NET1: variants seen among roughly 807,000 people sequenced by gnomAD.
The protein encoded by NET1 is neuroepithelial cell transforming 1.
Under a neutral mutation model 61.1 loss-of-function variants are expected in NET1, and 42 were observed. The observed-to-expected ratio is 0.69, with a 90% CI of 0.54 to 0.89. The LOEUF (loss-of-function observed/expected upper bound fraction) is 0.89, where lower values mean the gene tolerates loss of function less well. Ranked by LOEUF, NET1 falls within the 40% of genes least tolerant of loss-of-function variation. The pLI is 0.00. For missense variants in NET1, 654 were observed against 747.3 expected (o/e 0.88, Z 1.46); for synonymous variants, 254 against 281.8 (o/e 0.90, Z 0.99).
intron 1 of NET1, among the ~76,000 whole-genome samples, chr10:5,419,994 A>C (rs544261967): frequency 1.3e-4 from 20 of 151,988 alleles, no homozygotes; most frequent in Non-Finnish European, 2.6e-4. Flanking sequence ...GTCTGTGGAT[A>C]TCTTTGTGTT....
At position 5,456,325 on chromosome 10, in the gene NET1, T is replaced by G; in HGVS notation, c.1384+52T>G. On this transcript the variant is annotated intron_variant, in intron 11 of 11. Coordinates refer to ENST00000355029, the MANE Select transcript of NET1 (RefSeq NM_001047160.3). The surrounding 1 kb of genome is among the most constrained non-coding windows in gnomAD (Gnocchi z 7.0). ...AAGAAATAGAAGCTCAGAACTGAAG[T>G]GAATTTAGTTTTGCCTTTAAGAATT... 1 of 1,470,074 alleles carries G rather than the reference T, an allele frequency of 6.8e-7. No homozygotes were observed. The highest frequency in any genetic ancestry group is 9.1e-7 in the Non-Finnish European group (1 of 1,100,354). 91.1% of individuals were successfully genotyped at this position (1,470,074 alleles called of 1,614,324 possible). A position where few individuals can be genotyped will look rare whatever the true frequency, so the allele number is the denominator to read the frequency against.
rs761331523 is a variant in NET1 at position 5,455,204 on chromosome 10, A to T, written c.1197+86A>T. 2.3e-6 allele frequency: 3 copies of T among 1,324,454 alleles called. No individual in the cohort carries two copies. Among genetic ancestry groups the T allele is most frequent in the Non-Finnish European group, 3.2e-6 (3 of 936,388 alleles). The allele number at this position is 1,324,454 out of a possible 1,614,324, so 82.0% of individuals were successfully genotyped here. ...CGTTTGTTATGAAGCAGGCTTGTAA[A>T]GGGAAAGTCATGACATAGTAAAAGA... On this transcript the variant is annotated intron_variant, in intron 10 of 11. Transcript: ENST00000355029. This position sits in a 1 kb window ranked among gnomAD's most constrained non-coding sequence, Gnocchi z 6.5.
rs1324886018 is a variant in NET1 at position 5,435,748 on chromosome 10, A to T, written c.255+6519A>T. Among the ~76,000 whole-genome samples, 16 of 152,140 alleles carry T rather than the reference A, an allele frequency of 1.1e-4. No homozygotes were observed. Among genetic ancestry groups the T allele is most frequent in the Non-Finnish European group, 1.2e-4 (8 of 68,010 alleles). ...CAATTGAATTTTCATGTTATGGATC[A>T]TTAGCTATTTTGTCTTGAAGCTGTG... is the stretch of plus-strand genomic sequence containing the variant. On this transcript the variant is annotated intron_variant, in intron 3 of 11. Transcript: ENST00000355029. The surrounding 1 kb of genome is among the most constrained non-coding windows in gnomAD (Gnocchi z 5.0).
At position 5,416,655 on chromosome 10, in the gene NET1, T is replaced by A. The variant is rs1447906021; in HGVS notation, c.128+3835T>A. 2.0e-5 allele frequency among the ~76,000 whole-genome samples: 3 copies of A among 152,258 alleles called. No homozygotes were observed. Among genetic ancestry groups the A allele is most frequent in the Non-Finnish European group, 4.4e-5 (3 of 68,042 alleles). On this transcript the variant is annotated intron_variant, in intron 1 of 11. Transcript: ENST00000355029. This position sits in a 1 kb window ranked among gnomAD's most constrained non-coding sequence, Gnocchi z 6.1. ...AAGTATTTTGTTCTTTTTGATGCAG[T>A]TGTAAATGGATTCATTTCTTTTGAA...
chr10:5,459,014 C>T lies in NET1; in HGVS notation c.*2020C>T. 6.6e-6 allele frequency among the ~76,000 whole-genome samples: 1 copy of T among 152,080 alleles called. No individual in the cohort carries two copies. Among genetic ancestry groups the T allele is most frequent in the East Asian group, 1.9e-4 (1 of 5,192 alleles). Reference sequence around the variant, plus strand: ...TTCCCTCAAAGGTAAAAATAAGACCCAGAATCTGAGTAAATCTATTAAATG... The same window carrying T: ...TTCCCTCAAAGGTAAAAATAAGACCTAGAATCTGAGTAAATCTATTAAATG... On this transcript the variant is annotated 3_prime_UTR_variant, in exon 12 of 12. Transcript: ENST00000355029.
rs1468456511 is a variant in NET1 at position 5,420,545 on chromosome 10, C to T, written c.129-6110C>T. On this transcript the variant is annotated intron_variant, in intron 1 of 11. Coordinates refer to ENST00000355029, the MANE Select transcript of NET1 (RefSeq NM_001047160.3). This position sits in a 1 kb window ranked among gnomAD's most constrained non-coding sequence, Gnocchi z 5.3. Reference sequence around the variant, plus strand: ...ATATGACAGGCCTCTTAACGTCTTTCTCCTCACCTCCCAGTTCTGGGTAGT... The same window carrying T: ...ATATGACAGGCCTCTTAACGTCTTTTTCCTCACCTCCCAGTTCTGGGTAGT... Among the ~76,000 whole-genome samples, 1 of 152,162 alleles carries T rather than the reference C, an allele frequency of 6.6e-6. No individual in the cohort carries two copies. The highest frequency in any genetic ancestry group is 1.5e-5 in the Non-Finnish European group (1 of 68,020).
In NET1 at chr10:5,458,518, G is replaced by C. The variant is rs183249343; in HGVS notation, c.*1524G>C. On this transcript the variant is annotated 3_prime_UTR_variant, in exon 12 of 12. Transcript: ENST00000355029. This position sits in a 1 kb window ranked among gnomAD's most constrained non-coding sequence, Gnocchi z 4.5. The stretch of plus-strand genomic sequence containing the variant: ...ATGTTGGGGGCATTTGGCAAAATAT[G>C]CTGGTGTGGCAAAGGAGGTAGTGGT... 13 of 152,408 alleles carry C rather than the reference G, an allele frequency of 8.5e-5. No individual in the cohort carries two copies. The highest frequency in any genetic ancestry group is 5.2e-4 in the Admixed American group (8 of 15,270). 9.4% of individuals were successfully genotyped at this position (152,408 alleles called of 1,614,324 possible). A position where few individuals can be genotyped will look rare whatever the true frequency, so the allele number is the denominator to read the frequency against.
chr10:5,442,475 A>G (rs1336938591), intron 3 of NET1, among the ~76,000 whole-genome samples: 3 of 152,252 alleles, frequency 2.0e-5, no homozygotes, highest in Non-Finnish European at 2.9e-5. Context: ...TCTATACATA[A>G]GAGAAACATC....
Position 5,454,074 on chromosome 10 carries a change from T to C in NET1, c.769-191T>C, listed in dbSNP as rs1362255566. On this transcript the variant is annotated intron_variant, in intron 8 of 11. Coordinates refer to ENST00000355029, the MANE Select transcript of NET1 (RefSeq NM_001047160.3). The surrounding 1 kb of genome is among the most constrained non-coding windows in gnomAD (Gnocchi z 8.1). ...TCTTCACTTGGATTTAGCCAAATTA[T>C]GAAAATTTGAAGAGCATTTTGATGA... 6.6e-6 allele frequency among the ~76,000 whole-genome samples: 1 copy of C among 152,226 alleles called. No individual in the cohort carries two copies. The highest frequency in any genetic ancestry group is 2.4e-5 in the African/African-American group (1 of 41,466).
In NET1 at chr10:5,431,063, G is replaced by A. The variant is rs1832342640; in HGVS notation, c.255+1834G>A. ...ATTTTTTGTATTTTCAGTAGAGACG[G>A]GGTTTCACCGTGTTAGCCAGGATGG... On this transcript the variant is annotated intron_variant, in intron 3 of 11. Coordinates refer to ENST00000355029, the MANE Select transcript of NET1 (RefSeq NM_001047160.3). This position sits in a 1 kb window ranked among gnomAD's most constrained non-coding sequence, Gnocchi z 4.9. Among the ~76,000 whole-genome samples, 1 of 151,404 alleles carries A rather than the reference G, an allele frequency of 6.6e-6. No homozygotes were observed. The highest frequency in any genetic ancestry group is 2.4e-5 in the African/African-American group (1 of 41,182).
chr10:5,434,654 G>A (rs1012058720), intron 3 of NET1, among the ~76,000 whole-genome samples: 6 of 151,162 alleles, frequency 4.0e-5, no homozygotes, highest in Admixed American at 1.3e-4. Context: ...GAGGTTTAAG[G>A]GGAATCTTTC....
At position 5,453,581 on chromosome 10, in the gene NET1, C is replaced by G. The variant is rs1170325498; in HGVS notation, c.768+21C>G. ...GCTGGGTATGTAGTGAGTTGTTGAC[C>G]CCAGATACAGTTTCTTACAGATGTG... On this transcript the variant is annotated intron_variant, in intron 8 of 11. Transcript: ENST00000355029. This position sits in a 1 kb window ranked among gnomAD's most constrained non-coding sequence, Gnocchi z 4.9. 1.2e-6 allele frequency: 2 copies of G among 1,603,530 alleles called. No individual in the cohort carries two copies. Among genetic ancestry groups the G allele is most frequent in the Admixed American group, 1.7e-5 (1 of 59,974 alleles).
At position 5,454,607 on chromosome 10, in the gene NET1, T is replaced by G. The variant is rs1832767285; in HGVS notation, c.1026+85T>G. On this transcript the variant is annotated intron_variant, in intron 9 of 11. Coordinates refer to ENST00000355029, the MANE Select transcript of NET1 (RefSeq NM_001047160.3). The surrounding 1 kb of genome is among the most constrained non-coding windows in gnomAD (Gnocchi z 8.1). Reference sequence around the variant, plus strand: ...AACGTTATCTTCTGAAGATGCTGATTCACATCAGCATAGTGAATTGTTTTG... The same window carrying G: ...AACGTTATCTTCTGAAGATGCTGATGCACATCAGCATAGTGAATTGTTTTG... The G allele has an allele frequency of 1.4e-6, 2 of 1,415,468 alleles. No individual in the cohort carries two copies. Among genetic ancestry groups the G allele is most frequent in the African/African-American group, 2.9e-5 (2 of 69,950 alleles). 87.7% of individuals were successfully genotyped at this position (1,415,468 alleles called of 1,614,324 possible).
At chr10:5,432,205 G>A (rs551812756) in intron 3 of NET1, among the ~76,000 whole-genome samples, 1 of 152,204 alleles carries the variant, frequency 6.6e-6, no homozygotes, top group East Asian at 1.9e-4. Flanking sequence ...AATGAATAGA[G>A]CTAGGAGATA....
At position 5,415,523 on chromosome 10, in the gene NET1, T is replaced by C. The variant is rs1832067519; in HGVS notation, c.128+2703T>C. ...GGCATGATCTCGGCTCACTGCAACC[T>C]CCGCCTCCCGGGTTCAAGTGATTCT... On this transcript the variant is annotated intron_variant, in intron 1 of 11. Coordinates refer to ENST00000355029, the MANE Select transcript of NET1 (RefSeq NM_001047160.3). The surrounding 1 kb of genome is among the most constrained non-coding windows in gnomAD (Gnocchi z 4.7). 6.7e-6 allele frequency among the ~76,000 whole-genome samples: 1 copy of C among 150,192 alleles called. No homozygotes were observed. Among genetic ancestry groups the C allele is most frequent in the Admixed American group, 6.7e-5 (1 of 14,982 alleles).
rs1042810102 is a variant in NET1 at position 5,424,644 on chromosome 10, T to C, written c.129-2011T>C. 9.9e-5 allele frequency among the ~76,000 whole-genome samples: 15 copies of C among 152,204 alleles called. No individual in the cohort carries two copies. Among genetic ancestry groups the C allele is most frequent in the African/African-American group, 3.1e-4 (13 of 41,450 alleles). ...TCAAAAATAGTTTGAGCTCCATGAG[T>C]AGTCTTCCTGTGTTTTGATCTTCTC... is the stretch of plus-strand genomic sequence containing the variant. On this transcript the variant is annotated intron_variant, in intron 1 of 11. Transcript: ENST00000355029. This position sits in a 1 kb window ranked among gnomAD's most constrained non-coding sequence, Gnocchi z 6.1.
In NET1 at chr10:5,455,118, T is replaced by C. The variant is rs1392303647; in HGVS notation, c.1197T>C (p.His399=). Residue 399 remains histidine (H), a splice_region_variant and synonymous_variant, in exon 10 of 12, where the codon CAT becomes CAC. Transcript: ENST00000355029. The surrounding 1 kb of genome is among the most constrained non-coding windows in gnomAD (Gnocchi z 6.5). ...CHGELRSKSG[H]KLYIFLFQDI... Reference sequence around the variant, plus strand: ...GGGAGCTGCGGAGCAAGAGTGGACATGTAGGTGACTTTTGCTGCCGTGGCA... The same window carrying C: ...GGGAGCTGCGGAGCAAGAGTGGACACGTAGGTGACTTTTGCTGCCGTGGCA... 3 of 1,612,742 alleles carry C rather than the reference T, an allele frequency of 1.9e-6. No individual in the cohort carries two copies. Among genetic ancestry groups the C allele is most frequent in the South Asian group, 1.1e-5 (1 of 91,028 alleles).
rs958023508 is a variant in NET1, at chr10:5,439,515, C to T, written c.255+10286C>T. Among the ~76,000 whole-genome samples the T allele has an allele frequency of 1.1e-4, 16 of 152,212 alleles. No individual in the cohort carries two copies. Among genetic ancestry groups the T allele is most frequent in the Non-Finnish European group, 1.8e-4 (12 of 68,030 alleles). On this transcript the variant is annotated intron_variant, in intron 3 of 11. Transcript: ENST00000355029. The surrounding 1 kb of genome is among the most constrained non-coding windows in gnomAD (Gnocchi z 4.8). The stretch of plus-strand genomic sequence containing the variant: ...CAAATGGACCATTTCCTTTGTATAA[C>T]AGATGGCTGCTGTACCTCCCAACCT...
Position 5,455,092 on chromosome 10 carries a change from G to A in NET1, c.1171G>A (p.Gly391Arg). The change falls in exon 10 of 12, where the codon GGG (glycine) becomes AGG (arginine). Residue 391 changes from glycine (G) to arginine (R), a missense_variant. Coordinates refer to ENST00000355029, the MANE Select transcript of NET1 (RefSeq NM_001047160.3). This position sits in a 1 kb window ranked among gnomAD's most constrained non-coding sequence, Gnocchi z 6.5. ...IEASKVLLCH[G>R]ELRSKSGHKL... is the part of the protein sequence containing the mutation. Reference sequence around the variant, plus strand: ...AGCGAGCAAAGTGCTGCTGTGCCATGGGGAGCTGCGGAGCAAGAGTGGACA... The same window carrying A: ...AGCGAGCAAAGTGCTGCTGTGCCATAGGGAGCTGCGGAGCAAGAGTGGACA... 1 of 1,613,702 alleles carries A rather than the reference G, an allele frequency of 6.2e-7. No homozygotes were observed. Among genetic ancestry groups the A allele is most frequent in the East Asian group, 2.2e-5 (1 of 44,886 alleles).
Sources: gnomAD v4.1 joint callset for allele counts (sites outside exome capture counted in the v4.1 genomes callset) on GRCh38, gnomAD v4.1.1 for gene constraint, Gnocchi (gnomAD v3.1) non-coding constraint, MANE v1.5 for transcripts, NCBI Gene and HGNC (gene_info 2026-07-23, HGNC 2026-07-21) for gene names.